EPM2A: variants seen among roughly 807,000 people sequenced by gnomAD.
EPM2A encodes the protein EPM2A glucan phosphatase, laforin.
EPM2A carries 21 observed loss-of-function variants against 26.5 expected under a neutral mutation model. The ratio of observed to expected loss-of-function variants is 0.79; its 90% CI spans 0.56 to 1.14. The LOEUF is 1.14. EPM2A is among the 50% of genes most tolerant of loss of function. EPM2A has a pLI of 0.00. For synonymous variants in EPM2A, 217 were observed against 177.6 expected, an observed-to-expected ratio of 1.22 and a Z score of -1.76; for missense variants, 458 against 440.8, an observed-to-expected ratio of 1.04 and a Z score of -0.35.
At chr6:145,412,790 G>A (rs2114676509) in intron 4 of EPM2A, among the ~76,000 whole-genome samples, 1 of 152,294 alleles carries the variant, frequency 6.6e-6, no homozygotes, top group Admixed American at 6.5e-5. Flanking sequence ...ACATCCTGTT[G>A]TGCTTGTCAT....
intron 4 of EPM2A, among the ~76,000 whole-genome samples, chr6:145,403,198 T>C (rs1432924242): frequency 1.3e-5 from 2 of 152,162 alleles, no homozygotes; most frequent in Non-Finnish European, 2.9e-5. Context: ...TCATGGAGAA[T>C]GGGGTATCCA....
intron 1 of EPM2A, among the ~76,000 whole-genome samples, chr6:145,733,841 T>C (rs997274834): frequency 3.9e-5 from 6 of 152,138 alleles, no homozygotes; most frequent in African/African-American, 1.4e-4. Flanking sequence ...TCTACATCAT[T>C]ACAGGCTAAA....
At position 145,689,357 on chromosome 6, in the gene EPM2A, T is replaced by C. The variant is rs570965294; in HGVS notation, c.302-3061A>G. 3.9e-5 allele frequency among the ~76,000 whole-genome samples: 6 copies of C among 152,354 alleles called. No individual in the cohort carries two copies. The East Asian group carries it at 1.2e-3, about 29-fold the overall frequency. ...TGCATGGAGAACTATGGAATAAATGTACTTTTCCCTAGTCCTCCCACTAAG... is the reference window on the plus strand; with the variant it reads ...TGCATGGAGAACTATGGAATAAATGCACTTTTCCCTAGTCCTCCCACTAAG... On this transcript the variant is annotated intron_variant, in intron 1 of 3. Coordinates refer to ENST00000367519, the MANE Select transcript of EPM2A (RefSeq NM_005670.4).
At chr6:145,491,871 T>G in intron 4 of EPM2A, 3 of 513,004 alleles carry the variant, frequency 5.8e-6, no homozygotes, top group Non-Finnish European at 1.2e-5. Flanking sequence ...TACCAACAAC[T>G]TCTATCTCCA....
intron 1 of EPM2A, among the ~76,000 whole-genome samples, chr6:145,687,713 A>C (rs1471421494): frequency 1.3e-5 from 2 of 152,194 alleles, no homozygotes; most frequent in African/African-American, 4.8e-5. Context: ...GCTCTCAAAA[A>C]ATCCTTAAAT....
chr6:145,728,045 G>A (rs1776299517), intron 1 of EPM2A, among the ~76,000 whole-genome samples: 1 of 152,160 alleles, frequency 6.6e-6, no homozygotes, highest in South Asian at 2.1e-4. Flanking sequence ...CAGCCATGTA[G>A]GACGTGCCTG....
chr6:145,573,522 G>A (rs1210697137), intron 2 of EPM2A, among the ~76,000 whole-genome samples: 1 of 152,232 alleles, frequency 6.6e-6, no homozygotes, highest in Non-Finnish European at 1.5e-5. Context: ...GGCCAAATGG[G>A]AGAGTTGAAC....
intron 2 of EPM2A, among the ~76,000 whole-genome samples, chr6:145,655,184 G>A (rs1309205286): frequency 2.3e-5 from 2 of 88,492 alleles, no homozygotes; most frequent in African/African-American, 5.1e-5. Flanking sequence ...TGATTTTGCT[G>A]TGAAAAAAAA....
At chr6:145,490,045 T>G in intron 4 of EPM2A, 1 of 1,308,666 alleles carries the variant, frequency 7.6e-7, no homozygotes, top group South Asian at 1.4e-5. Context: ...CCACAGTCAC[T>G]TGTGCTGAAT....
intron 2 of EPM2A, among the ~76,000 whole-genome samples, chr6:145,538,993 C>A (rs4895677): frequency 0.017 from 2,589 of 152,300 alleles, 24 homozygotes; most frequent in Admixed American, 0.024. Flanking sequence ...ACAGCTCAAC[C>A]CTCAGAGGCC....
chr6:145,391,698 T>G (rs1365410513), intron 4 of EPM2A, among the ~76,000 whole-genome samples: 3 of 152,106 alleles, frequency 2.0e-5, no homozygotes, highest in African/African-American at 7.2e-5. Context: ...CTTTCCAAAT[T>G]TACAGATTTT....
intron 2 of EPM2A, among the ~76,000 whole-genome samples, chr6:145,611,554 T>C (rs1043755306): frequency 2.6e-5 from 4 of 152,032 alleles, no homozygotes; most frequent in Admixed American, 6.6e-5. Flanking sequence ...GAGAAAGTGA[T>C]ATACTATAAA....
At chr6:145,388,951 G>T (rs1445727898) in intron 4 of EPM2A, among the ~76,000 whole-genome samples, 1 of 151,740 alleles carries the variant, frequency 6.6e-6, no homozygotes, top group Non-Finnish European at 1.5e-5. Context: ...CTTTGCTATT[G>T]TAAACAGTGC....
chr6:145,411,986 G>A (rs894167876), intron 4 of EPM2A, among the ~76,000 whole-genome samples: 18 of 152,092 alleles, frequency 1.2e-4, no homozygotes, highest in Non-Finnish European at 1.8e-4. Context: ...TTGGGAGGCC[G>A]AGGGAGACGG....
At chr6:145,517,347 CAAAATA>C (rs1780142564) in intron 2 of EPM2A, among the ~76,000 whole-genome samples, 1 of 148,120 alleles carries the variant, frequency 6.8e-6, no homozygotes, top group African/African-American at 2.5e-5. Context: ...GTGTTCTTAC[CAAAATA>C]AAAATAAACA....
At chr6:145,730,670 T>A (rs144085904) in intron 1 of EPM2A, among the ~76,000 whole-genome samples, 1 of 152,216 alleles carries the variant, frequency 6.6e-6, no homozygotes, top group African/African-American at 2.4e-5. Context: ...TGAATTGATT[T>A]TTTTAAAATT....
chr6:145,510,122 G>A (rs987311771), intron 2 of EPM2A, among the ~76,000 whole-genome samples: 5 of 151,272 alleles, frequency 3.3e-5, no homozygotes, highest in African/African-American at 4.8e-5. Flanking sequence ...AAGACTTAAC[G>A]CAGCCACACA....
intron 2 of EPM2A, among the ~76,000 whole-genome samples, chr6:145,606,368 A>C (rs540188809): frequency 3.3e-5 from 5 of 152,072 alleles, no homozygotes; most frequent in Admixed American, 2.6e-4. Flanking sequence ...ATAAATAAAA[A>C]ATTTATGCTT....
At chr6:145,569,489 G>T (rs1221109138) in intron 2 of EPM2A, among the ~76,000 whole-genome samples, 1 of 152,158 alleles carries the variant, frequency 6.6e-6, no homozygotes, top group Non-Finnish European at 1.5e-5. Context: ...GAAATGAATT[G>T]ATTTTCACCT....
Sources: gnomAD v4.1 joint callset for allele counts (sites outside exome capture counted in the v4.1 genomes callset) on GRCh38, gnomAD v4.1.1 for gene constraint, MANE v1.5 for transcripts, NCBI Gene and HGNC (gene_info 2026-07-23, HGNC 2026-07-21) for gene names.